The following WRN variants were observed in gnomAD, a reference collection of about 807,000 sequenced individuals.
WRN encodes the protein WRN RecQ like helicase, also known as bifunctional 3'-5' exonuclease/ATP-dependent helicase WRN.
Under a neutral mutation model 180.7 loss-of-function variants are expected in WRN, and 149 were observed. That is an observed-to-expected ratio of 0.82 (90% CI 0.72 to 0.94). WRN has a LOEUF of 0.94. Ranked by LOEUF, WRN falls within the 40% of genes least tolerant of loss-of-function variation. WRN has a pLI of 0.00. For synonymous variants in WRN, 548 were observed against 568.9 expected, an observed-to-expected ratio of 0.96 and a Z score of 0.52; for missense variants, 1,661 against 1,700.1, an observed-to-expected ratio of 0.98 and a Z score of 0.40.
At chr8:31,128,918 G>A (rs1269721599) in intron 23 of WRN, among the ~76,000 whole-genome samples, 2 of 152,154 alleles carry the variant, frequency 1.3e-5, no homozygotes, top group African/African-American at 4.8e-5. Flanking sequence ...AAAAAACTAT[G>A]TATTAGAGCA....
intron 24 of WRN, among the ~76,000 whole-genome samples, chr8:31,138,369 C>T (rs1802480169): frequency 6.6e-6 from 1 of 152,048 alleles, no homozygotes; most frequent in Admixed American, 6.5e-5. Flanking sequence ...TTATGGGTTA[C>T]CTATAGTAAA....
intron 21 of WRN, 24 bp downstream of exon 21, chr8:31,120,448 C>A: frequency 6.3e-7 from 1 of 1,598,386 alleles, no homozygotes; most frequent in African/African-American, 1.4e-5. Flanking sequence ...ATTGTTTTTA[C>A]TCTTGCAGAT....
chr8:31,066,955 G>A, intron 5 of WRN, 78 bp from the exon 6 acceptor site: 1 of 1,545,240 alleles, frequency 6.5e-7, no homozygotes, highest in South Asian at 1.1e-5. Context: ...TTTATTTGTG[G>A]TATGTTCATT....
intron 5 of WRN, among the ~76,000 whole-genome samples, chr8:31,066,796 A>G (rs1424684772): frequency 2.0e-5 from 3 of 152,156 alleles, no homozygotes; most frequent in Admixed American, 2.0e-4. Context: ...TTCATGAACA[A>G]TATTTTTAAA....
At chr8:31,080,429 T>C (rs1813254956) in intron 8 of WRN, among the ~76,000 whole-genome samples, 1 of 148,856 alleles carries the variant, frequency 6.7e-6, no homozygotes, top group Non-Finnish European at 1.5e-5. Context: ...TTTAGGGTTC[T>C]TTTATCACAG....
At chr8:31,154,912 C>G (rs1803319004) in intron 32 of WRN, among the ~76,000 whole-genome samples, 157 bp downstream of exon 32, 1 of 152,106 alleles carries the variant, frequency 6.6e-6, no homozygotes, top group South Asian at 2.1e-4. Flanking sequence ...ATGTTGTTTT[C>G]TTTTTCTGTT....
intron 18 of WRN, among the ~76,000 whole-genome samples, chr8:31,108,402 A>G (rs1309646725): frequency 6.6e-6 from 1 of 152,154 alleles, no homozygotes; most frequent in Admixed American, 6.5e-5. Context: ...ATAAAATACC[A>G]CATACTTATA....
chr8:31,145,050 G>T (rs539107932), intron 28 of WRN, among the ~76,000 whole-genome samples: 1 of 152,202 alleles, frequency 6.6e-6, no homozygotes, highest in African/African-American at 2.4e-5. Context: ...TTTAAGGAAA[G>T]AAGCCATCTC....
intron 10 of WRN, 48 bp from the exon 11 acceptor site, chr8:31,085,118 A>G (rs370657778): frequency 1.1e-4 from 183 of 1,592,136 alleles, no homozygotes; most frequent in Non-Finnish European, 1.5e-4. Flanking sequence ...AAAAGAGGAT[A>G]TGAAGTCAAT....
At chr8:31,168,124 A>G (rs1409004903) in intron 34 of WRN, among the ~76,000 whole-genome samples, 2 of 152,090 alleles carry the variant, frequency 1.3e-5, no homozygotes, top group African/African-American at 2.4e-5. Flanking sequence ...TAAATTCTGT[A>G]CTTGAGTTAC....
At chr8:31,161,963 C>T (rs1803640188) in intron 33 of WRN, among the ~76,000 whole-genome samples, 1 of 152,010 alleles carries the variant, frequency 6.6e-6, no homozygotes, top group African/African-American at 2.4e-5. Flanking sequence ...ATGTGAAGAC[C>T]TAGGACTGTG....
intron 23 of WRN, among the ~76,000 whole-genome samples, chr8:31,125,784 T>C (rs1801907317): frequency 6.6e-6 from 1 of 150,514 alleles, no homozygotes; most frequent in Non-Finnish European, 1.5e-5. Context: ...ACTGAGTGGA[T>C]GAGGCCCACC....
chr8:31,108,248 A>T (rs930450123), intron 18 of WRN, among the ~76,000 whole-genome samples: 1 of 152,226 alleles, frequency 6.6e-6, no homozygotes, highest in Non-Finnish European at 1.5e-5. Context: ...TCTGAAAATT[A>T]AAGAGTTCAA....
intron 21 of WRN, among the ~76,000 whole-genome samples, chr8:31,123,525 C>G (rs1302970998): frequency 6.6e-6 from 1 of 151,944 alleles, no homozygotes; most frequent in African/African-American, 2.4e-5. Context: ...TTTCAGATGA[C>G]AAGAATGTTT....
chr8:31,073,743 G>A (rs1347893018), intron 7 of WRN, among the ~76,000 whole-genome samples: 1 of 152,070 alleles, frequency 6.6e-6, no homozygotes, highest in Non-Finnish European at 1.5e-5. Flanking sequence ...GACTGGGAGG[G>A]CCACTAATGA....
intron 1 of WRN, among the ~76,000 whole-genome samples, chr8:31,047,711 T>C (rs981413914): frequency 3.9e-5 from 6 of 152,140 alleles, no homozygotes; most frequent in African/African-American, 9.7e-5. Context: ...AAAGGAAAAA[T>C]AGACAACCTA....
chr8:31,158,004 A>G (rs1489813953), intron 33 of WRN, among the ~76,000 whole-genome samples: 1 of 152,184 alleles, frequency 6.6e-6, no homozygotes, highest in Non-Finnish European at 1.5e-5. Context: ...CTGCGATTAC[A>G]GGTGTGAGCC....
chr8:31,063,435 A>C (rs1362074488), intron 3 of WRN, among the ~76,000 whole-genome samples: 1 of 152,208 alleles, frequency 6.6e-6, no homozygotes. Flanking sequence ...ATATTCTTAA[A>C]CATGTCTGTA....
At chr8:31,146,314 T>C (rs1042714209) in intron 28 of WRN, among the ~76,000 whole-genome samples, 2 of 150,396 alleles carry the variant, frequency 1.3e-5, no homozygotes, top group African/African-American at 4.9e-5. Flanking sequence ...TATGATAATA[T>C]TGTATTTATA....
Sources: allele counts gnomAD v4.1 joint callset (sites outside exome capture counted in the v4.1 genomes callset), GRCh38; gene constraint gnomAD v4.1.1; transcripts MANE v1.5; gene names NCBI Gene and HGNC (gene_info 2026-07-23, HGNC 2026-07-21).